The following GABRB3 variants were observed in gnomAD, a reference collection of about 807,000 sequenced individuals.
The protein encoded by GABRB3 is gamma-aminobutyric acid receptor subunit beta-3.
GABRB3 carries 14 observed loss-of-function variants against 52.1 expected under a neutral mutation model. That is an observed-to-expected ratio of 0.27 (90% CI 0.18 to 0.42). GABRB3 has a LOEUF of 0.42. Among genes scored for constraint, GABRB3 ranks in the 10% least tolerant of loss-of-function variants. The pLI is 1.00. For synonymous variants in GABRB3, 260 were observed against 232.3 expected (o/e 1.12, Z -1.08); for missense variants, 307 against 609.1 (o/e 0.50, Z 5.22).
At chr15:26,632,225 G>C (rs1031476269) in intron 3 of GABRB3, among the ~76,000 whole-genome samples, 1 of 152,194 alleles carries the variant, frequency 6.6e-6, no homozygotes, top group African/African-American at 2.4e-5. Flanking sequence ...TATATGTAAG[G>C]GTCCTCTCAC....
chr15:26,629,319 G>A, intron 3 of GABRB3: 1 of 653,332 alleles, frequency 1.5e-6, no homozygotes, highest in Non-Finnish European at 2.4e-6. Context: ...GCGTGGCCCA[G>A]CTCAGGAGCC....
chr15:26,659,226 T>C (rs1384992595), intron 3 of GABRB3, among the ~76,000 whole-genome samples: 2 of 152,188 alleles, frequency 1.3e-5, no homozygotes, highest in African/African-American at 4.8e-5. Context: ...CAATAATTTA[T>C]CTAAAACAAG....
chr15:26,718,049 C>T (rs977541613), intron 3 of GABRB3, among the ~76,000 whole-genome samples: 1 of 152,162 alleles, frequency 6.6e-6, no homozygotes, highest in Admixed American at 6.5e-5. Context: ...AAATGTCATA[C>T]ATAACCTATC....
intron 5 of GABRB3, 59 bp downstream of exon 5, chr15:26,583,273 T>G: frequency 7.1e-7 from 1 of 1,403,728 alleles, no homozygotes. Context: ...TGCTAAATAA[T>G]GACAAAAGGA....
intron 3 of GABRB3, among the ~76,000 whole-genome samples, chr15:26,705,233 G>A (rs1367417940): frequency 6.6e-6 from 1 of 152,196 alleles, no homozygotes; most frequent in Non-Finnish European, 1.5e-5. Context: ...CATTGCAAAA[G>A]GCAGAAGGGT....
At chr15:26,662,755 A>G (rs2140614803) in intron 3 of GABRB3, among the ~76,000 whole-genome samples, 1 of 152,328 alleles carries the variant, frequency 6.6e-6, no homozygotes, top group South Asian at 2.1e-4. Context: ...AATCAGATCA[A>G]GAAAGGAAGA....
rs535766920 is a variant in GABRB3 at position 26,654,723 on chromosome 15, T to A, written c.241-33189A>T. On this transcript the variant is annotated intron_variant, in intron 3 of 8. Transcript: ENST00000311550. ...CTGCAGTGACCTGTGACCGTGCCAC[T>A]GCACTCCAGCCTGGGTGACACAGTG... Among the ~76,000 whole-genome samples, 81 of 152,262 alleles carry A rather than the reference T, an allele frequency of 5.3e-4. No individual in the cohort carries two copies. The Middle Eastern group carries it at 0.014, about 26-fold the overall frequency.
intron 6 of GABRB3, among the ~76,000 whole-genome samples, chr15:26,568,333 C>G (rs144509604): frequency 6.6e-6 from 1 of 152,300 alleles, no homozygotes; most frequent in Non-Finnish European, 1.5e-5. Context: ...GAGCACCTGT[C>G]TGCCTTCTTG....
At chr15:26,559,755 G>C (rs545042791) in intron 8 of GABRB3, among the ~76,000 whole-genome samples, 1 of 152,326 alleles carries the variant, frequency 6.6e-6, no homozygotes, top group African/African-American at 2.4e-5. Context: ...GGCTGGGCTG[G>C]AGGAGGGTGT....
chr15:26,695,219 T>C (rs1437682169), intron 3 of GABRB3, among the ~76,000 whole-genome samples: 2 of 152,120 alleles, frequency 1.3e-5, no homozygotes, highest in Non-Finnish European at 2.9e-5. Flanking sequence ...AGGCATATCA[T>C]ATTCAAACTG....
At chr15:26,655,901 C>A (rs1033763503) in intron 3 of GABRB3, among the ~76,000 whole-genome samples, 7 of 152,120 alleles carry the variant, frequency 4.6e-5, no homozygotes, top group African/African-American at 9.7e-5. Context: ...TTTTTTATTT[C>A]CAAGCACAAG....
intron 5 of GABRB3, among the ~76,000 whole-genome samples, chr15:26,582,050 G>A (rs1304835359): frequency 6.6e-6 from 1 of 152,152 alleles, no homozygotes; most frequent in South Asian, 2.1e-4. Context: ...TTCCCAATAT[G>A]GAGACATGTG....
At chr15:26,631,574 G>A (rs1300371666) in intron 3 of GABRB3, among the ~76,000 whole-genome samples, 1 of 152,230 alleles carries the variant, frequency 6.6e-6, no homozygotes, top group African/African-American at 2.4e-5. Flanking sequence ...CAGGTAAGTT[G>A]TTCTCAGGTC....
intron 6 of GABRB3, among the ~76,000 whole-genome samples, chr15:26,573,563 T>C (rs960026657): frequency 1.3e-5 from 2 of 152,210 alleles, no homozygotes; most frequent in African/African-American, 4.8e-5. Flanking sequence ...GATACTCCTT[T>C]TTGAGAAGGT....
intron 4 of GABRB3, among the ~76,000 whole-genome samples, chr15:26,596,995 T>C (rs752024316): frequency 6.6e-6 from 1 of 152,162 alleles, no homozygotes; most frequent in Non-Finnish European, 1.5e-5. Flanking sequence ...CTGAGCAGGC[T>C]CATGTGCTAG....
intron 3 of GABRB3, among the ~76,000 whole-genome samples, chr15:26,632,346 C>G (rs975206010): frequency 5.3e-5 from 8 of 152,184 alleles, no homozygotes; most frequent in African/African-American, 1.9e-4. Context: ...TAAATGTAGT[C>G]AGAAGATGAA....
intron 3 of GABRB3, among the ~76,000 whole-genome samples, chr15:26,766,354 T>C (rs1890996728): frequency 6.6e-6 from 1 of 152,190 alleles, no homozygotes; most frequent in Non-Finnish European, 1.5e-5. Flanking sequence ...TGGTATTACT[T>C]GTGAAAATCA....
At chr15:26,566,552 C>CCCATCTCTA (rs764156974) in intron 7 of GABRB3, among the ~76,000 whole-genome samples, 3 of 152,026 alleles carry the variant, frequency 2.0e-5, no homozygotes, top group Non-Finnish European at 4.4e-5. Flanking sequence ...ATGGCGAAAC[C>CCCATCTCTA]CCATCTCTAC....
At chr15:26,703,523 C>T (rs974358343) in intron 3 of GABRB3, among the ~76,000 whole-genome samples, 1 of 152,096 alleles carries the variant, frequency 6.6e-6, no homozygotes, top group African/African-American at 2.4e-5. Context: ...TGCCAATAGC[C>T]CAAAAGTATT....
Sources: allele counts gnomAD v4.1 joint callset (sites outside exome capture counted in the v4.1 genomes callset), GRCh38; gene constraint gnomAD v4.1.1; transcripts MANE v1.5; gene names NCBI Gene and HGNC (gene_info 2026-07-23, HGNC 2026-07-21).